The following MGRN1 variants were observed in gnomAD, a reference collection of about 807,000 sequenced individuals.
MGRN1 encodes E3 ubiquitin-protein ligase MGRN1.
Under a neutral mutation model 69.2 loss-of-function variants are expected in MGRN1, and 29 were observed. The observed-to-expected ratio is 0.42, with a 90% CI of 0.31 to 0.57. MGRN1 has a LOEUF of 0.57. MGRN1 is among the 20% of genes least tolerant of loss of function. The pLI is 0.15. For missense variants in MGRN1, 998 were observed against 796.2 expected, an observed-to-expected ratio of 1.25 and a Z score of -3.05; for synonymous variants, 470 against 344.2, an observed-to-expected ratio of 1.37 and a Z score of -4.04.
chr16:4,674,626 C>CTTTTTTTTTTTTT (rs71139654), intron 10 of MGRN1, among the ~76,000 whole-genome samples: 36 of 47,256 alleles, frequency 7.6e-4, no homozygotes, highest in African/African-American at 1.4e-3. Flanking sequence ...CTTTTCTTTT[C>CTTTTTTTTTTTTT]TTTTTTTTTT....
At chr16:4,675,757 C>T (rs2079040637) in intron 10 of MGRN1, among the ~76,000 whole-genome samples, 1 of 151,632 alleles carries the variant, frequency 6.6e-6, no homozygotes, top group South Asian at 2.1e-4. Flanking sequence ...AAAATTATAG[C>T]GAAGTGAAAA....
rs377239496 is a variant in MGRN1, at chr16:4,664,323, A to G, written c.562-386A>G. On this transcript the variant is annotated intron_variant, in intron 5 of 16. Transcript: ENST00000262370. Reference sequence around the variant, plus strand: ...GTCCAAAAATGGCAAATCCCTGGAGACAGGAAGCACATGGTGGCTGCCGGG... The same window carrying G: ...GTCCAAAAATGGCAAATCCCTGGAGGCAGGAAGCACATGGTGGCTGCCGGG... 4 of 294,800 alleles carry G rather than the reference A, an allele frequency of 1.4e-5. No homozygotes were observed. The South Asian group carries it at 1.6e-4, about 12-fold the overall frequency. The allele number at this position is 294,800 out of a possible 1,614,324, so 18.3% of individuals were successfully genotyped here. A position where few individuals can be genotyped will look rare whatever the true frequency, so the allele number is the denominator to read the frequency against.
chr16:4,682,896 C>A lies in MGRN1; in HGVS notation c.1432C>A (p.Pro478Thr), dbSNP rs138756308. 2 of 1,609,154 alleles carry A rather than the reference C, an allele frequency of 1.2e-6. No individual in the cohort carries two copies. Among genetic ancestry groups the A allele is most frequent in the African/African-American group, 2.7e-5 (2 of 74,814 alleles). ...EKLSEDVDAPPPLGGAELALR... is the reference protein window; with the variant it reads ...EKLSEDVDAPTPLGGAELALR... ...GCTCTCCGAGGACGTGGACGCCCCT[C>A]CCCCACTGGGTGGCGCAGAGCTGGC... Residue 478 changes from proline to threonine, a missense_variant, in exon 14 of 17, where the codon CCC becomes ACC. Coordinates refer to ENST00000262370, the MANE Select transcript of MGRN1 (RefSeq NM_015246.4).
rs1305660647 is a variant in MGRN1, at chr16:4,650,469, A to G, written c.193A>G (p.Ser65Gly). The change falls in exon 2 of 17, where the codon AGC (serine) becomes GGC (glycine). Residue 65 changes from serine (S) to glycine (G), a missense_variant. Physicochemically the swap from Ser to Gly is moderately conservative, Grantham distance 56. Transcript: ENST00000262370. ...GENMDLNFLGSRPVQFPYVTP... is the reference protein window; with the variant it reads ...GENMDLNFLGGRPVQFPYVTP... ...GAACATGGATCTGAACTTCCTGGGC[A>G]GCCGCCCGGTCCAGGTGGGTCTGGA... The G allele has an allele frequency of 6.2e-7, 1 of 1,613,656 alleles. No individual in the cohort carries two copies. Among genetic ancestry groups the G allele is most frequent in the East Asian group, 2.2e-5 (1 of 44,872 alleles).
chr16:4,668,573 TCATA>T (rs1283395756), intron 8 of MGRN1, among the ~76,000 whole-genome samples: 82 of 149,192 alleles, frequency 5.5e-4, no homozygotes, highest in African/African-American at 1.9e-3. Context: ...TCGCACACAC[TCATA>T]CAGACACGAC....
intron 1 of MGRN1, among the ~76,000 whole-genome samples, chr16:4,642,051 C>T (rs1291758458): frequency 6.6e-6 from 1 of 151,828 alleles, no homozygotes; most frequent in African/African-American, 2.4e-5. Flanking sequence ...TCACGTAGAC[C>T]CTGTTCTTGA....
Position 4,624,943 on chromosome 16 carries a change from C to T in MGRN1, c.-18C>T. ...CCCGTTCCGGCCCTGGCCCCTCTGC[C>T]CGGCAGCGCCGCGCACCATGGGCTC... On this transcript the variant is annotated 5_prime_UTR_variant, in exon 1 of 17. Transcript: ENST00000262370. The T allele has an allele frequency of 2.0e-6, 3 of 1,528,872 alleles. No individual in the cohort carries two copies. Among genetic ancestry groups the T allele is most frequent in the Non-Finnish European group, 2.6e-6 (3 of 1,140,098 alleles). The allele number at this position is 1,528,872 out of a possible 1,614,324, so 94.7% of individuals were successfully genotyped here.
intron 7 of MGRN1, 74 bp from the exon 8 acceptor site, chr16:4,668,191 C>T (rs754693353): frequency 1.4e-6 from 2 of 1,382,824 alleles, no homozygotes; most frequent in South Asian, 1.3e-5. Flanking sequence ...GGGTGGCCAA[C>T]CCAGGCGGCC....
intron 16 of MGRN1, chr16:4,686,296 G>T (rs1405824309): frequency 1.4e-5 from 21 of 1,544,938 alleles, no homozygotes; most frequent in Non-Finnish European, 1.5e-5. Context: ...GTATAGACGA[G>T]TAAGCCGGTA....
rs60384408 is a variant in MGRN1, at chr16:4,687,578, TACAC to T, written c.1619-1191_1619-1188del. 2,264 of 931,298 alleles carry T rather than the reference TACAC, an allele frequency of 2.4e-3. 2 individuals are homozygous for T. Among genetic ancestry groups the T allele is most frequent in the Non-Finnish European group, 2.7e-3 (2,147 of 795,480 alleles). 57.7% of individuals were successfully genotyped at this position (931,298 alleles called of 1,614,324 possible). A position where few individuals can be genotyped will look rare whatever the true frequency, so the allele number is the denominator to read the frequency against. On this transcript the variant is annotated intron_variant, in intron 16 of 16. Coordinates refer to ENST00000262370, the MANE Select transcript of MGRN1 (RefSeq NM_015246.4). ...AGACCCTGTCTCAAGAAAAAAAAAA[TACAC>T]ACACACACACACACACACACACACA...
At position 4,677,487 on chromosome 16, in the gene MGRN1, G is replaced by A. The variant is rs775510468; in HGVS notation, c.980G>A (p.Arg327Gln). The A allele has an allele frequency of 3.5e-5, 56 of 1,584,912 alleles. No individual in the cohort carries two copies. Among genetic ancestry groups the A allele is most frequent in the Middle Eastern group, 1.7e-4 (1 of 5,952 alleles). The change falls in exon 11 of 17, where the codon CGG (arginine) becomes CAG (glutamine). Residue 327 changes from arginine (R) to glutamine (Q), a missense_variant. By Grantham distance (43) the Arg-to-Gln change is conservative. Coordinates refer to ENST00000262370, the MANE Select transcript of MGRN1 (RefSeq NM_015246.4). ...RLPFRALLQIRAVRKKPGALS... is the reference protein window; with the variant it reads ...RLPFRALLQIQAVRKKPGALS... Reference sequence around the variant, plus strand: ...GCTTTCCGGGCCCTCCTGCAGATCCGGGCGGTGCGGAAGAAGCCAGGAGCC... The same window carrying A: ...GCTTTCCGGGCCCTCCTGCAGATCCAGGCGGTGCGGAAGAAGCCAGGAGCC...
At chr16:4,668,404 TACAC>T (rs891205750) in intron 8 of MGRN1, 92 bp downstream of exon 8, 58 of 1,347,818 alleles carry the variant, frequency 4.3e-5, no homozygotes, top group Admixed American at 5.4e-5. Context: ...CACACACTCA[TACAC>T]ACGCACATAT....
chr16:4,668,701 C>T (rs1440606464), intron 8 of MGRN1, among the ~76,000 whole-genome samples: 1 of 151,192 alleles, frequency 6.6e-6, no homozygotes, highest in Non-Finnish European at 1.5e-5. Flanking sequence ...CACATACACA[C>T]ATACACTCAC....
chr16:4,645,235 T>C (rs919607516), intron 1 of MGRN1, among the ~76,000 whole-genome samples: 2 of 152,176 alleles, frequency 1.3e-5, no homozygotes, highest in Non-Finnish European at 2.9e-5. Flanking sequence ...TGATCATGGC[T>C]TACTGCAGCC....
At chr16:4,679,418 C>T (rs944788972) in intron 11 of MGRN1, among the ~76,000 whole-genome samples, 27 of 152,278 alleles carry the variant, frequency 1.8e-4, no homozygotes, top group Admixed American at 1.4e-3. Context: ...AGGGAGCCGC[C>T]GTCCTCTCTG....
At chr16:4,654,503 C>T (rs990044020) in intron 4 of MGRN1, among the ~76,000 whole-genome samples, 1 of 152,240 alleles carries the variant, frequency 6.6e-6, no homozygotes, top group Non-Finnish European at 1.5e-5. Context: ...CCCCAAGTGG[C>T]TTTAGAGACA....
At chr16:4,654,961 A>G (rs1370517971) in intron 4 of MGRN1, among the ~76,000 whole-genome samples, 1 of 152,270 alleles carries the variant, frequency 6.6e-6, no homozygotes, top group Non-Finnish European at 1.5e-5. Context: ...GCACTTGATT[A>G]TATTTCTTTA....
intron 4 of MGRN1, among the ~76,000 whole-genome samples, chr16:4,656,474 G>A (rs533583703): frequency 3.3e-5 from 5 of 152,368 alleles, no homozygotes; most frequent in East Asian, 1.9e-4. Context: ...TCCGCCTTCC[G>A]GGAGTGATCT....
chr16:4,652,161 C>T, intron 3 of MGRN1, 110 bp downstream of exon 3: 5 of 989,790 alleles, frequency 5.1e-6, no homozygotes, highest in South Asian at 2.9e-5. Flanking sequence ...GCCCCAGTTT[C>T]TGCGCCCTCC....
Sources: allele counts gnomAD v4.1 joint callset (sites outside exome capture counted in the v4.1 genomes callset), GRCh38; gene constraint gnomAD v4.1.1; transcripts MANE v1.5; gene names NCBI Gene and HGNC (gene_info 2026-07-23, HGNC 2026-07-21).